Variants in KRT84 observed in about 807,000 individuals in gnomAD.
The protein encoded by KRT84 is keratin 84.
KRT84 carries 38 observed loss-of-function variants against 49.0 expected under a neutral mutation model. The observed-to-expected ratio is 0.78, with a 90% CI of 0.60 to 1.02. KRT84 has a LOEUF of 1.02. Among genes scored for constraint, KRT84 ranks in the 50% least tolerant of loss-of-function variants. KRT84 has a pLI of 0.00. For synonymous variants in KRT84, 334 were observed against 312.8 expected, an observed-to-expected ratio of 1.07 and a Z score of -0.72; for missense variants, 860 against 788.6, an observed-to-expected ratio of 1.09 and a Z score of -1.08.
At chr12:52,378,665 C>T (rs2857677) in intron 8 of KRT84, among the ~76,000 whole-genome samples, 62,985 of 152,128 alleles carry the variant, frequency 0.41, 13,926 homozygotes, top group Non-Finnish European at 0.5. Context: ...CATTTATATA[C>T]GGCTAAAGTC....
At chr12:52,381,026 C>T (rs958115245) in intron 6 of KRT84, 54 bp downstream of exon 6, 22 of 1,596,338 alleles carry the variant, frequency 1.4e-5, no homozygotes, top group Non-Finnish European at 1.9e-5. Context: ...GTTCCCAAAG[C>T]CTGAGGCCCT....
At position 52,381,091 on chromosome 12, in the gene KRT84, C is replaced by A. The variant is rs377281389; in HGVS notation, c.1192G>T (p.Ala398Ser). The change falls in exon 6 of 9, where the codon GCC (alanine) becomes TCC (serine). Residue 398 changes from alanine to serine, a missense_variant. By Grantham distance (99) the Ala-to-Ser change is moderately conservative. Coordinates refer to ENST00000257951, the MANE Select transcript of KRT84 (RefSeq NM_033045.4). Reference protein sequence around the residue: ...IQRLKAEIEHAKAQRAKLEAA... With the variant: ...IQRLKAEIEHSKAQRAKLEAA... ...TTTCCTTTGCCCACCTGAGCCTTGG[C>A]GTGCTCAATCTCTGCCTTAAGCCTC... The A allele has an allele frequency of 2.5e-6, 4 of 1,613,920 alleles. No individual in the cohort carries two copies. The African/African-American group carries it at 4.0e-5, about 16-fold the overall frequency.
chr12:52,385,290 G>T lies in KRT84; in HGVS notation c.296C>A (p.Ala99Asp). The change falls in exon 1 of 9, where the codon GCT becomes GAT. Residue 99 changes from alanine to aspartate, a missense_variant. Coordinates refer to ENST00000257951, the MANE Select transcript of KRT84 (RefSeq NM_033045.4). Reference sequence around the variant, plus strand: ...AAAGCCCAGACCAACACAGCTGTCAGCCCTAGGCCCCAGACCAACACCTCT... The same window carrying T: ...AAAGCCCAGACCAACACAGCTGTCATCCCTAGGCCCCAGACCAACACCTCT... ...DGRGVGLGPR[A>D]DSCVGLGFGA... is the part of the protein sequence containing the mutation. 1 of 1,614,058 alleles carries T rather than the reference G, an allele frequency of 6.2e-7. No individual in the cohort carries two copies. The highest frequency in any genetic ancestry group is 1.3e-5 in the African/African-American group (1 of 75,008).
At position 52,378,072 on chromosome 12, in the gene KRT84, A is replaced by AGCGGACGCTGGAGCT. The variant is rs2121427092; in HGVS notation, c.1750_1764dup (p.Ser584_Arg588dup). 2.7e-6 allele frequency: 4 copies of AGCGGACGCTGGAGCT among 1,495,062 alleles called. No individual in the cohort carries two copies. In the East Asian group the frequency reaches 1.0e-4, roughly 37 times the overall value. The allele number at this position is 1,495,062 out of a possible 1,614,324, so 92.6% of individuals were successfully genotyped here. The stretch of plus-strand genomic sequence containing the variant: ...CGGCAGGAGGTGGTGGTGGACACAA[A>AGCGGACGCTGGAGCT]GCGGACGCTGGAGCTGCGGCCGCCG... On this transcript the variant is annotated inframe_insertion, in exon 9 of 9. Transcript: ENST00000257951.
intron 6 of KRT84, 90 bp downstream of exon 6, chr12:52,380,990 T>C: frequency 6.6e-7 from 1 of 1,510,136 alleles, no homozygotes; most frequent in Non-Finnish European, 8.9e-7. Flanking sequence ...GTCTTGATGG[T>C]CTCCCTCACC....
At chr12:52,380,980 GTCTTGATGGTCTCCC>G in intron 6 of KRT84, 85 bp downstream of exon 6, 1 of 1,477,840 alleles carries the variant, frequency 6.8e-7, no homozygotes, top group Non-Finnish European at 9.2e-7. Flanking sequence ...TGGTTTCTGG[GTCTTGATGGTCTCCC>G]TCACCTCATT....
chr12:52,380,036 A>T (rs1315201517), intron 7 of KRT84, 129 bp from the exon 8 acceptor site: 1 of 785,260 alleles, frequency 1.3e-6, no homozygotes, highest in African/African-American at 1.8e-5. Flanking sequence ...TTATACACAC[A>T]TCTGGGGAGC....
At position 52,381,185 on chromosome 12, in the gene KRT84, T is replaced by C; in HGVS notation, c.1098A>G (p.Thr366=). 6.2e-7 allele frequency: 1 copy of C among 1,614,190 alleles called. No individual in the cohort carries two copies. Among genetic ancestry groups the C allele is most frequent in the Non-Finnish European group, 8.5e-7 (1 of 1,180,026 alleles). The part of the protein sequence containing the change: ...YQTKYEEMQV[T]AGQHCDNLRN... ...GCAGGTTGTCACAGTGTTGGCCAGC[T>C]GTCACCTGCATCTCTTCATACTGCG... Residue 366 remains threonine, a synonymous_variant, in exon 6 of 9, where the codon ACA becomes ACG. Coordinates refer to ENST00000257951, the MANE Select transcript of KRT84 (RefSeq NM_033045.4).
chr12:52,382,386 C>T, intron 4 of KRT84, 51 bp downstream of exon 4: 1 of 1,244,226 alleles, frequency 8.0e-7, no homozygotes, highest in South Asian at 1.2e-5. Context: ...TTCAGGGAGT[C>T]CAGGCCAAGC....
rs772334938 is a variant in KRT84 at position 52,381,387 on chromosome 12, C to T, written c.1051G>A (p.Asp351Asn). The T allele has an allele frequency of 1.2e-6, 2 of 1,614,106 alleles. No homozygotes were observed. Among genetic ancestry groups the T allele is most frequent in the African/African-American group, 1.3e-5 (1 of 74,938 alleles). ...TTGGTCTGGTACCAGGCCTCAGCATCAGCCCGGCTGCGCCTGGCCACCTCC... is the reference window on the plus strand; with the variant it reads ...TTGGTCTGGTACCAGGCCTCAGCATTAGCCCGGCTGCGCCTGGCCACCTCC... ...YEEVARRSRADAEAWYQTKYE... is the reference protein window; with the variant it reads ...YEEVARRSRANAEAWYQTKYE... The change falls in exon 5 of 9, where the codon GAT becomes AAT. Residue 351 changes from aspartate to asparagine, a missense_variant. Asp to Asn is a conservative substitution (Grantham distance 23). Coordinates refer to ENST00000257951, the MANE Select transcript of KRT84 (RefSeq NM_033045.4).
chr12:52,380,932 C>A, intron 6 of KRT84, 148 bp downstream of exon 6: 1 of 1,089,318 alleles, frequency 9.2e-7, no homozygotes, highest in Non-Finnish European at 1.3e-6. Flanking sequence ...ATATTTTTAT[C>A]CTCCAGAAAG....
chr12:52,381,251 G>A lies in KRT84; in HGVS notation c.1078-46C>T, dbSNP rs185550581. 9.2e-5 allele frequency: 149 copies of A among 1,611,718 alleles called. No homozygotes were observed. The African/African-American group carries it at 1.9e-3, about 20-fold the overall frequency. ...TTTGAGGGTTCGGAGGTCAGGTCAGGATCACAGCCCCCACTGAGTTGGGGG... is the reference window on the plus strand; with the variant it reads ...TTTGAGGGTTCGGAGGTCAGGTCAGAATCACAGCCCCCACTGAGTTGGGGG... On this transcript the variant is annotated intron_variant, in intron 5 of 8. Transcript: ENST00000257951.
At position 52,379,863 on chromosome 12, in the gene KRT84, A is replaced by G; in HGVS notation, c.1456+13T>C. ...GAGAGAAATGTGTGAAGAGGAAAAA[A>G]CAAGTTTCTTACATATGTTTACTGG... On this transcript the variant is annotated intron_variant, in intron 8 of 8. Transcript: ENST00000257951. 2.5e-6 allele frequency: 4 copies of G among 1,607,898 alleles called. No homozygotes were observed. Among genetic ancestry groups the G allele is most frequent in the Non-Finnish European group, 3.4e-6 (4 of 1,174,490 alleles).
Position 52,381,377 on chromosome 12 carries a change from G to C in KRT84, c.1061C>G (p.Ala354Gly). Residue 354 changes from alanine (A) to glycine (G), a missense_variant, in exon 5 of 9, where the codon GCC becomes GGC. Transcript: ENST00000257951. ...VARRSRADAE[A>G]WYQTKYEEMQ... ...ACTGCCCACCTTGGTCTGGTACCAG[G>C]CCTCAGCATCAGCCCGGCTGCGCCT... 3.1e-6 allele frequency: 5 copies of C among 1,614,180 alleles called. No individual in the cohort carries two copies. Among genetic ancestry groups the C allele is most frequent in the Non-Finnish European group, 4.2e-6 (5 of 1,180,044 alleles).
At chr12:52,381,550 G>T in intron 4 of KRT84, 25 bp from the exon 5 acceptor site, 1 of 1,609,976 alleles carries the variant, frequency 6.2e-7, no homozygotes, top group South Asian at 1.1e-5. Context: ...TGGGGAGACA[G>T]ATGTGCTTAG....
At position 52,379,857 on chromosome 12, in the gene KRT84, G is replaced by T. The variant is rs138127056; in HGVS notation, c.1456+19C>A. ...GAAGAGGAGAGAAATGTGTGAAGAGGAAAAAACAAGTTTCTTACATATGTT... is the reference window on the plus strand; with the variant it reads ...GAAGAGGAGAGAAATGTGTGAAGAGTAAAAAACAAGTTTCTTACATATGTT... On this transcript the variant is annotated intron_variant, in intron 8 of 8. Coordinates refer to ENST00000257951, the MANE Select transcript of KRT84 (RefSeq NM_033045.4). The T allele has an allele frequency of 1.4e-5, 23 of 1,602,464 alleles. No homozygotes were observed. Among genetic ancestry groups the T allele is most frequent in the Non-Finnish European group, 2.0e-5 (23 of 1,169,774 alleles).
rs1939467960 is a variant in KRT84, at chr12:52,380,730, G to A, written c.1204-147C>T. ...GGTGGCTGCTTTCCCAGGCACTGGA[G>A]ACCCTGTAGTTTGATGTCACTATGG... On this transcript the variant is annotated intron_variant, in intron 6 of 8. Coordinates refer to ENST00000257951, the MANE Select transcript of KRT84 (RefSeq NM_033045.4). 4 of 849,848 alleles carry A rather than the reference G, an allele frequency of 4.7e-6. No homozygotes were observed. In the East Asian group the frequency reaches 1.1e-4, roughly 23 times the overall value. The allele number at this position is 849,848 out of a possible 1,614,324, so 52.6% of individuals were successfully genotyped here. A position where few individuals can be genotyped will look rare whatever the true frequency, so the allele number is the denominator to read the frequency against.
chr12:52,380,461 C>T lies in KRT84; in HGVS notation c.1326G>A (p.Ala442=), dbSNP rs1458307099. 6.2e-6 allele frequency: 10 copies of T among 1,614,094 alleles called. No homozygotes were observed. Among genetic ancestry groups the T allele is most frequent in the African/African-American group, 1.3e-5 (1 of 74,948 alleles). ...GCTCCTGGTACTCGCACAGCTGCCGCGCCATGTCCTGCTTGGCCTGCTGCA... is the reference window on the plus strand; with the variant it reads ...GCTCCTGGTACTCGCACAGCTGCCGTGCCATGTCCTGCTTGGCCTGCTGCA... ...CALQQAKQDM[A]RQLCEYQELM... The change falls in exon 7 of 9, where the codon GCG becomes GCA. Residue 442 remains alanine, a synonymous_variant. Coordinates refer to ENST00000257951, the MANE Select transcript of KRT84 (RefSeq NM_033045.4).
At chr12:52,378,651 CTG>C (rs1939429259) in intron 8 of KRT84, among the ~76,000 whole-genome samples, 1 of 152,230 alleles carries the variant, frequency 6.6e-6, no homozygotes, top group African/African-American at 2.4e-5. Flanking sequence ...CATAGGTTGA[CTG>C]TCATTTATAT....
Sources: allele counts gnomAD v4.1 joint callset (sites outside exome capture counted in the v4.1 genomes callset), GRCh38; gene constraint gnomAD v4.1.1; transcripts MANE v1.5; gene names NCBI Gene and HGNC (gene_info 2026-07-23, HGNC 2026-07-21).